Variants in MAP2K5 observed in about 807,000 individuals in gnomAD.
MAP2K5 encodes mitogen-activated protein kinase kinase 5.
MAP2K5 carries 49 observed loss-of-function variants against 83.1 expected under a neutral mutation model. The observed-to-expected ratio is 0.59, with a 90% CI of 0.47 to 0.75. The LOEUF is 0.75. Ranked by LOEUF, MAP2K5 falls within the 30% of genes least tolerant of loss-of-function variation. The pLI, the probability that MAP2K5 is intolerant of heterozygous loss-of-function variation, is 0.00. For synonymous variants in MAP2K5, 202 were observed against 191.8 expected, an observed-to-expected ratio of 1.05 and a Z score of -0.44; for missense variants, 457 against 557.5, an observed-to-expected ratio of 0.82 and a Z score of 1.82.
rs2084702184 is a variant in MAP2K5 at position 67,559,945 on chromosome 15, G to T, written c.185-3338G>T. Among the ~76,000 whole-genome samples, 1 of 152,094 alleles carries T rather than the reference G, an allele frequency of 6.6e-6. No individual in the cohort carries two copies. Among genetic ancestry groups the T allele is most frequent in the Admixed American group, 6.5e-5 (1 of 15,268 alleles). On this transcript the variant is annotated intron_variant, in intron 2 of 21. Transcript: ENST00000178640. This position sits in a 1 kb window ranked among gnomAD's most constrained non-coding sequence, Gnocchi z 4.7. ...TCTAGTGTTGTTCTCTAACATATTT[G>T]TACCTCTGAAACTTTGTGGCAGTTT...
chr15:67,744,664 A>G (rs1162089233), intron 17 of MAP2K5, among the ~76,000 whole-genome samples: 1 of 152,248 alleles, frequency 6.6e-6, no homozygotes, highest in African/African-American at 2.4e-5. Flanking sequence ...TTATGTAAAA[A>G]GCTCCTCTAC....
At chr15:67,776,834 A>G (rs1057065609) in intron 21 of MAP2K5, among the ~76,000 whole-genome samples, 4 of 152,158 alleles carry the variant, frequency 2.6e-5, no homozygotes, top group African/African-American at 9.7e-5. Context: ...CCTCCATCAC[A>G]TCCCTTCACT....
At position 67,573,336 on chromosome 15, in the gene MAP2K5, A is replaced by T. The variant is rs1181339155; in HGVS notation, c.253-7418A>T. Among the ~76,000 whole-genome samples, 5 of 152,182 alleles carry T rather than the reference A, an allele frequency of 3.3e-5. No homozygotes were observed. Among genetic ancestry groups the T allele is most frequent in the African/African-American group, 4.8e-5 (2 of 41,436 alleles). ...GGGAGGCCTCAGGAAACTTATAATC[A>T]TGGCAGAAGACAAAGGGGAAGCAAG... On this transcript the variant is annotated intron_variant, in intron 3 of 21. Coordinates refer to ENST00000178640, the MANE Select transcript of MAP2K5 (RefSeq NM_145160.3). The surrounding 1 kb of genome is among the most constrained non-coding windows in gnomAD (Gnocchi z 4.2).
intron 16 of MAP2K5, among the ~76,000 whole-genome samples, chr15:67,712,051 G>A (rs899506815): frequency 1.3e-5 from 2 of 152,220 alleles, no homozygotes; most frequent in African/African-American, 2.4e-5. Context: ...ACTGAGTGGA[G>A]CGTTTTCTGG....
intron 7 of MAP2K5, among the ~76,000 whole-genome samples, chr15:67,598,242 C>CA (rs2085574018): frequency 6.6e-6 from 1 of 151,924 alleles, no homozygotes; most frequent in African/African-American, 2.4e-5. Context: ...AAAAAACTGT[C>CA]AATCAGTTCA....
Position 67,708,758 on chromosome 15 carries a change from C to T in MAP2K5, c.1044+5350C>T, listed in dbSNP as rs1276189964. Among the ~76,000 whole-genome samples the T allele has an allele frequency of 2.0e-5, 3 of 152,122 alleles. No individual in the cohort carries two copies. The highest frequency in any genetic ancestry group is 6.5e-5 in the Admixed American group (1 of 15,270). ...AGTCATAAAAAGGCCTCTTGCCACA[C>T]TCTTTCATAAAAGATGATGCTACAT... On this transcript the variant is annotated intron_variant, in intron 16 of 21. Transcript: ENST00000178640. This position sits in a 1 kb window ranked among gnomAD's most constrained non-coding sequence, Gnocchi z 4.9.
chr15:67,571,563 G>T (rs2084947348), intron 3 of MAP2K5, among the ~76,000 whole-genome samples: 1 of 151,798 alleles, frequency 6.6e-6, no homozygotes. Flanking sequence ...CTCTTACTTG[G>T]AAATGAGAGA....
At chr15:67,721,044 T>TA (rs1352839006) in intron 16 of MAP2K5, among the ~76,000 whole-genome samples, 2 of 152,242 alleles carry the variant, frequency 1.3e-5, no homozygotes, top group Non-Finnish European at 2.9e-5. Flanking sequence ...ACTTGTGAAT[T>TA]ACTGTTGCCC....
chr15:67,772,778 A>G, intron 21 of MAP2K5, 26 bp downstream of exon 21: 1 of 1,562,718 alleles, frequency 6.4e-7, no homozygotes, highest in Non-Finnish European at 8.7e-7. Flanking sequence ...TAGTTACATT[A>G]GAATTCTCAG....
intron 21 of MAP2K5, 74 bp downstream of exon 21, chr15:67,772,826 GA>G (rs936984180): frequency 7.6e-7 from 1 of 1,311,508 alleles, no homozygotes; most frequent in Non-Finnish European, 1.1e-6. Flanking sequence ...TAAAAGTCCA[GA>G]ATGGAATTTG....
At chr15:67,594,934 G>A (rs2085493543) in intron 7 of MAP2K5, among the ~76,000 whole-genome samples, 1 of 152,140 alleles carries the variant, frequency 6.6e-6, no homozygotes, top group East Asian at 1.9e-4. Context: ...GAGGTACTGT[G>A]CACAGTTGTA....
At position 67,630,891 on chromosome 15, in the gene MAP2K5, A is replaced by T. The variant is rs750411619; in HGVS notation, c.549A>T (p.Ala183=). Residue 183 remains alanine, a synonymous_variant, in exon 9 of 22, where the codon GCA becomes GCT. Transcript: ENST00000178640. ...GHGNGGTVYK[A]YHVPSGKILA... is the part of the protein sequence containing the mutation. ...TTGTTTTTTTTTCTTCCCATAGAGC[A>T]TATCATGTCCCGAGTGGGAAAATAT... is the stretch of plus-strand genomic sequence containing the variant. 1 of 1,609,864 alleles carries T rather than the reference A, an allele frequency of 6.2e-7. No individual in the cohort carries two copies. Among genetic ancestry groups the T allele is most frequent in the Non-Finnish European group, 8.5e-7 (1 of 1,177,358 alleles).
At position 67,636,268 on chromosome 15, in the gene MAP2K5, C is replaced by T. The variant is rs144097823; in HGVS notation, c.585+5341C>T. On this transcript the variant is annotated intron_variant, in intron 9 of 21. Transcript: ENST00000178640. This position sits in a 1 kb window ranked among gnomAD's most constrained non-coding sequence, Gnocchi z 4.7. ...CTAAAAATACAAAAAATTAGCTGGC[C>T]GTGGTGTCGGGCGCTTGTAGTCCCA... is the stretch of plus-strand genomic sequence containing the variant. Among the ~76,000 whole-genome samples, 2,613 of 152,098 alleles carry T rather than the reference C, an allele frequency of 0.017. 85 individuals carry two copies. Among genetic ancestry groups the T allele is most frequent in the African/African-American group, 0.06 (2,474 of 41,476 alleles).
intron 9 of MAP2K5, among the ~76,000 whole-genome samples, chr15:67,643,413 A>G (rs1309701706): frequency 6.6e-6 from 1 of 152,174 alleles, no homozygotes; most frequent in African/African-American, 2.4e-5. Context: ...CTTACAGTCT[A>G]GTTTACTGAG....
chr15:67,542,971 A>C lies in MAP2K5; in HGVS notation c.-365A>C. On this transcript the variant is annotated 5_prime_UTR_variant, in exon 1 of 22. Transcript: ENST00000178640. ...ACGAGCGGTGGACACCTGCCGCTGT[A>C]TCTCCCCCAAACCGAGTCCTTGCCC... 2 of 249,562 alleles carry C rather than the reference A, an allele frequency of 8.0e-6. No homozygotes were observed. The highest frequency in any genetic ancestry group is 1.6e-5 in the Non-Finnish European group (2 of 126,012). The allele number at this position is 249,562 out of a possible 1,614,324, so 15.5% of individuals were successfully genotyped here.
At position 67,758,320 on chromosome 15, in the gene MAP2K5, A is replaced by G. The variant is rs1596922460; in HGVS notation, c.1134+9719A>G. Among the ~76,000 whole-genome samples the G allele has an allele frequency of 6.6e-6, 1 of 152,118 alleles. No individual in the cohort carries two copies. The highest frequency in any genetic ancestry group is 1.5e-5 in the Non-Finnish European group (1 of 68,020). ...GGAGGGTAGGGAGGTAGGGTCAGGG[A>G]TGAATCTCAGGGCTTGGGCAGTCAG... On this transcript the variant is annotated intron_variant, in intron 19 of 21. Transcript: ENST00000178640. The surrounding 1 kb of genome is among the most constrained non-coding windows in gnomAD (Gnocchi z 4.7).
At chr15:67,797,875 G>A (rs988276190) in intron 21 of MAP2K5, among the ~76,000 whole-genome samples, 2 of 152,104 alleles carry the variant, frequency 1.3e-5, no homozygotes, top group African/African-American at 4.8e-5. Flanking sequence ...TAGAGACAGG[G>A]TTTCACCGTA....
At chr15:67,548,753 AT>A (rs954757316) in intron 1 of MAP2K5, among the ~76,000 whole-genome samples, 1 of 152,170 alleles carries the variant, frequency 6.6e-6, no homozygotes, top group African/African-American at 2.4e-5. Context: ...TGTAGAAATA[AT>A]TTTTTAACAC....
chr15:67,613,872 G>A (rs189831770), intron 8 of MAP2K5, among the ~76,000 whole-genome samples: 1 of 152,156 alleles, frequency 6.6e-6, no homozygotes, highest in East Asian at 1.9e-4. Flanking sequence ...TTTCAGAGGT[G>A]CATTTACTCT....
Sources: allele counts gnomAD v4.1 joint callset (sites outside exome capture counted in the v4.1 genomes callset), GRCh38; gene constraint gnomAD v4.1.1; non-coding constraint Gnocchi (gnomAD v3.1); transcripts MANE v1.5; gene names NCBI Gene and HGNC (gene_info 2026-07-23, HGNC 2026-07-21).